The following RFK variants were observed in gnomAD, a reference collection of about 807,000 sequenced individuals.
RFK encodes the protein riboflavin kinase.
A neutral mutation model predicts 17.6 loss-of-function variants in RFK; 4 were observed. That is an observed-to-expected ratio of 0.23 (90% CI 0.11 to 0.52). The LOEUF is 0.52. RFK is among the 20% of genes least tolerant of loss of function. RFK has a pLI of 0.96. For synonymous variants in RFK, 59 were observed against 63.8 expected (o/e 0.92, Z 0.36); for missense variants, 189 against 187.7 (o/e 1.01, Z -0.04).
At position 76,388,604 on chromosome 9, in the gene RFK, T is replaced by C. The variant is rs1398318982; in HGVS notation, c.287A>G (p.Asn96Ser). Residue 96 changes from asparagine to serine, a missense_variant, in exon 3 of 4, where the codon AAT (asparagine) becomes AGT (serine). By Grantham distance (46) the Asn-to-Ser change is conservative. Coordinates refer to ENST00000376736, the MANE Select transcript of RFK (RefSeq NM_018339.6). ...TCTCAGGTAGCCAACAATGGCCACA[T>C]TGAGGATTTCCCCATAGAAGTCCTC... ...FKEDFYGEIL[N>S]VAIVGYLRPE... The C allele has an allele frequency of 3.7e-6, 6 of 1,612,548 alleles. No individual in the cohort carries two copies. Among genetic ancestry groups the C allele is most frequent in the Admixed American group, 1.7e-5 (1 of 59,978 alleles).
In RFK at chr9:76,385,753, C is replaced by T. The variant is rs1418247722; in HGVS notation, c.*1646G>A. On this transcript the variant is annotated 3_prime_UTR_variant, in exon 4 of 4. Transcript: ENST00000376736. ...TCACACACCTAAAGATAGCATTTAG[C>T]AGCAAGTTAGTCAGACAAAACAAAC... 1 of 152,178 alleles carries T rather than the reference C, an allele frequency of 6.6e-6. No individual in the cohort carries two copies. The highest frequency in any genetic ancestry group is 6.5e-5 in the Admixed American group (1 of 15,278). 9.4% of individuals were successfully genotyped at this position (152,178 alleles called of 1,614,324 possible). A position where few individuals can be genotyped will look rare whatever the true frequency, so the allele number is the denominator to read the frequency against.
intron 2 of RFK, among the ~76,000 whole-genome samples, chr9:76,391,936 TAAAA>T (rs34498868): frequency 6.9e-6 from 1 of 145,478 alleles, no homozygotes; most frequent in Admixed American, 6.8e-5. Flanking sequence ...ACCCCATCTT[TAAAA>T]AAAAAAAAAA....
chr9:76,393,377 T>C (rs1740936753), intron 1 of RFK, among the ~76,000 whole-genome samples: 1 of 152,132 alleles, frequency 6.6e-6, no homozygotes, highest in African/African-American at 2.4e-5. Context: ...CAGCTAATTT[T>C]TGTATTTTTA....
Position 76,394,077 on chromosome 9 carries a change from G to A in RFK, c.82+13C>T. On this transcript the variant is annotated intron_variant, in intron 1 of 3. Transcript: ENST00000376736. ...TGACCCGGCCCGGGGGACTCTGGCC[G>A]CCCTGCTCTCACCTGTGGGGATGCC... is the stretch of plus-strand genomic sequence containing the variant. 1.9e-6 allele frequency: 3 copies of A among 1,589,632 alleles called. No individual in the cohort carries two copies. Among genetic ancestry groups the A allele is most frequent in the East Asian group, 2.3e-5 (1 of 43,598 alleles).
chr9:76,388,855 G>C (rs1185152539), intron 2 of RFK, among the ~76,000 whole-genome samples, 199 bp from the exon 3 acceptor site: 1 of 152,172 alleles, frequency 6.6e-6, no homozygotes, highest in Non-Finnish European at 1.5e-5. Flanking sequence ...AAACCTAACT[G>C]AGTGAGGTGA....
Position 76,394,321 on chromosome 9 carries a change from A to T in RFK, c.-150T>A, listed in dbSNP as rs960808461. On this transcript the variant is annotated 5_prime_UTR_variant, in exon 1 of 4. Coordinates refer to ENST00000376736, the MANE Select transcript of RFK (RefSeq NM_018339.6). ...GCGCACCAGTGGCCGGACGACGCCG[A>T]CCACAGGCCACTGCGAATCCCTGAC... 4.7e-6 allele frequency: 3 copies of T among 638,508 alleles called. No homozygotes were observed. The highest frequency in any genetic ancestry group is 7.5e-6 in the Non-Finnish European group (3 of 397,778). 39.6% of individuals were successfully genotyped at this position (638,508 alleles called of 1,614,324 possible).
chr9:76,393,438 C>A (rs1822844332), intron 1 of RFK, among the ~76,000 whole-genome samples: 1 of 152,006 alleles, frequency 6.6e-6, no homozygotes, highest in African/African-American at 2.4e-5. Context: ...AACTCCTGAG[C>A]TCAGATGATC....
chr9:76,389,324 C>T (rs1198181572), intron 2 of RFK, among the ~76,000 whole-genome samples: 1 of 152,070 alleles, frequency 6.6e-6, no homozygotes, highest in Non-Finnish European at 1.5e-5. Context: ...AACTAGCTTC[C>T]GCGGGGCTCA....
chr9:76,388,342 ATC>A (rs1266641753), intron 3 of RFK: 5 of 642,134 alleles, frequency 7.8e-6, no homozygotes, highest in African/African-American at 3.6e-5. Context: ...ATGTTACTTA[ATC>A]TCTCTGTGCC....
chr9:76,391,334 G>T (rs1822817739), intron 2 of RFK, among the ~76,000 whole-genome samples: 1 of 152,196 alleles, frequency 6.6e-6, no homozygotes, highest in African/African-American at 2.4e-5. Context: ...GCTGACAAAA[G>T]ATTCAGCCAA....
At chr9:76,387,854 C>T (rs752260172) in intron 3 of RFK, 2 of 229,836 alleles carry the variant, frequency 8.7e-6, no homozygotes, top group Non-Finnish European at 1.7e-5. Context: ...CAAAAATTAG[C>T]GGGGTGTGAT....
chr9:76,387,260 TAAC>T lies in RFK; in HGVS notation c.*136_*138del, dbSNP rs1027810371. 1.6e-5 allele frequency: 12 copies of T among 737,682 alleles called. No individual in the cohort carries two copies. The highest frequency in any genetic ancestry group is 7.0e-5 in the African/African-American group (4 of 57,360). 45.7% of individuals were successfully genotyped at this position (737,682 alleles called of 1,614,324 possible). A position where few individuals can be genotyped will look rare whatever the true frequency, so the allele number is the denominator to read the frequency against. On this transcript the variant is annotated 3_prime_UTR_variant, in exon 4 of 4. Coordinates refer to ENST00000376736, the MANE Select transcript of RFK (RefSeq NM_018339.6). ...ATTTAATAGTTGAAGCATGATATGATAACAACATTGTACGGTTTAAACTAATTC... is the reference window on the plus strand; with the variant it reads ...ATTTAATAGTTGAAGCATGATATGATAACATTGTACGGTTTAAACTAATTC...
intron 1 of RFK, among the ~76,000 whole-genome samples, chr9:76,393,076 G>A (rs1050968606): frequency 5.3e-5 from 8 of 152,028 alleles, no homozygotes; most frequent in Non-Finnish European, 1.2e-4. Flanking sequence ...AAAGTACCAG[G>A]TAAGTATATA....
intron 2 of RFK, among the ~76,000 whole-genome samples, chr9:76,390,204 A>G (rs141101309): frequency 0.012 from 1,866 of 152,354 alleles, 24 homozygotes; most frequent in Non-Finnish European, 0.02. Context: ...AATCCCTATC[A>G]GATACCATAC....
Position 76,386,389 on chromosome 9 carries a change from CTCTT to C in RFK, c.*1006_*1009del, listed in dbSNP as rs1822732515. The C allele has an allele frequency of 6.6e-6, 1 of 152,038 alleles. No homozygotes were observed. Among genetic ancestry groups the C allele is most frequent in the Non-Finnish European group, 1.5e-5 (1 of 68,010 alleles). The allele number at this position is 152,038 out of a possible 1,614,324, so 9.4% of individuals were successfully genotyped here. On this transcript the variant is annotated 3_prime_UTR_variant, in exon 4 of 4. Coordinates refer to ENST00000376736, the MANE Select transcript of RFK (RefSeq NM_018339.6). The stretch of plus-strand genomic sequence containing the variant: ...TATAACTATTTCATAGTTTAATTGG[CTCTT>C]AAATAGTTTTGCTAGGGAGGAAACA...
chr9:76,393,138 C>T (rs1242822889), intron 1 of RFK, among the ~76,000 whole-genome samples: 1 of 151,976 alleles, frequency 6.6e-6, no homozygotes. Context: ...AAAACAAGTA[C>T]CAGAGTAGAT....
chr9:76,388,720 T>C lies in RFK; in HGVS notation c.235-64A>G, dbSNP rs192431227. On this transcript the variant is annotated intron_variant, in intron 2 of 3. Coordinates refer to ENST00000376736, the MANE Select transcript of RFK (RefSeq NM_018339.6). ...ACAGTGTACTGAAATCTGAAATACA[T>C]CTTCATGTTTATGGTGAGTTAATTT... 140 of 881,174 alleles carry C rather than the reference T, an allele frequency of 1.6e-4. No homozygotes were observed. The African/African-American group carries it at 2.0e-3, about 13-fold the overall frequency. 54.6% of individuals were successfully genotyped at this position (881,174 alleles called of 1,614,324 possible).
Position 76,386,966 on chromosome 9 carries a change from T to C in RFK, c.*433A>G, listed in dbSNP as rs1223003077. The stretch of plus-strand genomic sequence containing the variant: ...ATCCTCCCACCTCGGCCTCCCAAAG[T>C]GCTGGGATTACCGGTGTGAGCCACT... On this transcript the variant is annotated 3_prime_UTR_variant, in exon 4 of 4. Coordinates refer to ENST00000376736, the MANE Select transcript of RFK (RefSeq NM_018339.6). The C allele has an allele frequency of 6.5e-6, 1 of 153,336 alleles. No individual in the cohort carries two copies. The highest frequency in any genetic ancestry group is 1.5e-5 in the Non-Finnish European group (1 of 68,906). The allele number at this position is 153,336 out of a possible 1,614,324, so 9.5% of individuals were successfully genotyped here.
At chr9:76,388,382 T>G (rs1822769441) in intron 3 of RFK, 172 bp downstream of exon 3, 1 of 646,410 alleles carries the variant, frequency 1.5e-6, no homozygotes, top group East Asian at 2.8e-5. Context: ...ATAGGCAAAA[T>G]AATCCCTCAC....
Sources: allele counts gnomAD v4.1 joint callset (sites outside exome capture counted in the v4.1 genomes callset), GRCh38; gene constraint gnomAD v4.1.1; transcripts MANE v1.5; gene names NCBI Gene and HGNC (gene_info 2026-07-23, HGNC 2026-07-21).